The following ABCC6 variants were observed in gnomAD, a reference collection of about 807,000 sequenced individuals.
ABCC6 encodes ATP-binding cassette sub-family C member 6.
A neutral mutation model predicts 169.5 loss-of-function variants in ABCC6; 126 were observed. That is an observed-to-expected ratio of 0.74 (90% CI 0.64 to 0.86). The LOEUF (loss-of-function observed/expected upper bound fraction) is 0.86. ABCC6 is among the 40% of genes least tolerant of loss of function. ABCC6 has a pLI of 0.00. For synonymous variants in ABCC6, 752 were observed against 814.7 expected (o/e 0.92, Z 1.31); for missense variants, 1,733 against 1,927.2 (o/e 0.90, Z 1.89).
chr16:16,156,057 A>C (rs2046543596), intron 27 of ABCC6, among the ~76,000 whole-genome samples: 1 of 152,176 alleles, frequency 6.6e-6, no homozygotes, highest in Admixed American at 6.5e-5. Flanking sequence ...CTGGGACTGC[A>C]GGTGCCTGTC....
intron 6 of ABCC6, among the ~76,000 whole-genome samples, chr16:16,210,674 A>C (rs1160449881): frequency 2.0e-5 from 3 of 152,258 alleles, no homozygotes; most frequent in African/African-American, 7.2e-5. Flanking sequence ...AAAAGCATCA[A>C]GAGTGGTCCA....
chr16:16,213,141 A>G (rs573721602), intron 5 of ABCC6, among the ~76,000 whole-genome samples: 137 of 151,090 alleles, frequency 9.1e-4, no homozygotes, highest in African/African-American at 3.2e-3. Context: ...CTGGAGTGCA[A>G]TGGTGCAATC....
rs770649132 is a variant in ABCC6 at position 16,190,117 on chromosome 16, C to CA, written c.1635+46dup. ...CTACCTCACCCTGCCCCCACCCCCG[C>CA]ACTCCTTCCCCAGTGCTGCTCAGCA... On this transcript the variant is annotated intron_variant, in intron 12 of 30. Coordinates refer to ENST00000205557, the MANE Select transcript of ABCC6 (RefSeq NM_001171.6). 3.7e-6 allele frequency: 6 copies of CA among 1,606,948 alleles called. No individual in the cohort carries two copies. The South Asian group carries it at 5.5e-5, about 15-fold the overall frequency.
At chr16:16,209,418 G>C (rs1292790888) in intron 6 of ABCC6, among the ~76,000 whole-genome samples, 2 of 152,022 alleles carry the variant, frequency 1.3e-5, no homozygotes, top group Non-Finnish European at 2.9e-5. Flanking sequence ...ATAAATGTAT[G>C]AGTATATTAT....
chr16:16,213,171 A>C (rs943422720), intron 5 of ABCC6, among the ~76,000 whole-genome samples: 3 of 146,818 alleles, frequency 2.0e-5, no homozygotes, highest in African/African-American at 5.1e-5. Context: ...TGCAGCCTTT[A>C]TCTCTTGGAT....
chr16:16,190,104 GC>G, intron 12 of ABCC6, 59 bp downstream of exon 12: 1 of 1,586,528 alleles, frequency 6.3e-7, no homozygotes. Context: ...ACCTCACCCT[GC>G]CCCCACCCCC....
intron 30 of ABCC6, 121 bp from the exon 31 acceptor site, chr16:16,150,362 T>G (rs1266784436): frequency 1.9e-6 from 3 of 1,544,326 alleles, no homozygotes; most frequent in Non-Finnish European, 2.6e-6. Context: ...TCCATGCGGC[T>G]CCCTGGCCCT....
In ABCC6 at chr16:16,161,503, C is replaced by T. The variant is rs779472538; in HGVS notation, c.3568G>A (p.Ala1190Thr). The change falls in exon 25 of 31, where the codon GCT becomes ACT. Residue 1190 changes from alanine (A) to threonine (T), a missense_variant. By Grantham distance (58) the Ala-to-Thr change is moderately conservative. Transcript: ENST00000205557. ...CTGAGGTGGGCTTTGCTCAGCACAG[C>T]ACACGTGGCAGCTGCAAACACCAGG... ...NGLVFAAATC[A>T]VLSKAHLSAG... 5.0e-6 allele frequency: 8 copies of T among 1,613,984 alleles called. No homozygotes were observed. In the East Asian group the frequency reaches 1.8e-4, roughly 36 times the overall value.
At chr16:16,186,410 G>A (rs1234202433) in intron 14 of ABCC6, among the ~76,000 whole-genome samples, 1 of 151,934 alleles carries the variant, frequency 6.6e-6, no homozygotes, top group African/African-American at 2.4e-5. Flanking sequence ...TTAGGAACTG[G>A]GCCATACAGC....
At position 16,221,747 on chromosome 16, in the gene ABCC6, G is replaced by A; in HGVS notation, c.121C>T (p.Pro41Ser). 1.9e-6 allele frequency: 3 copies of A among 1,613,654 alleles called. No homozygotes were observed. Among genetic ancestry groups the A allele is most frequent in the Non-Finnish European group, 2.5e-6 (3 of 1,179,726 alleles). Residue 41 changes from proline (P) to serine (S), a missense_variant, in exon 2 of 31, where the codon CCC becomes TCC. Physicochemically the swap from Pro to Ser is moderately conservative, Grantham distance 74. Coordinates refer to ENST00000205557, the MANE Select transcript of ABCC6 (RefSeq NM_001171.6). ...FLRTAGVWVP[P>S]MYLWVLGPIY... ...GGACCAAGGACCCAGAGGTACATGG[G>A]GGGTACCCAGACCCCTGCTGTTCTC...
At chr16:16,169,565 G>C (rs943167579) in intron 22 of ABCC6, 81 bp downstream of exon 22, 6 of 1,511,072 alleles carry the variant, frequency 4.0e-6, no homozygotes, top group Non-Finnish European at 5.4e-6. Flanking sequence ...GGGTGACCCA[G>C]GGAGGGGTGG....
chr16:16,187,047 G>T (rs1362820623), intron 14 of ABCC6, 77 bp downstream of exon 14: 2 of 1,300,838 alleles, frequency 1.5e-6, no homozygotes, highest in South Asian at 1.2e-5. Context: ...TACTGATGCT[G>T]GCTTGCCATT....
intron 20 of ABCC6, among the ~76,000 whole-genome samples, chr16:16,174,062 A>T (rs2047193804): frequency 6.6e-6 from 1 of 152,168 alleles, no homozygotes; most frequent in Admixed American, 6.5e-5. Context: ...CCATTTATCC[A>T]TTCATCTACA....
rs1256169470 is a variant in ABCC6, at chr16:16,221,672, A to C, written c.196T>G (p.Ser66Ala). ...HHHGRGYLRM[S>A]PLFKAKMVLG... ...ACCATCTTGGCTTTGAAGAGTGGGG[A>C]CATCCGGAGGTAGCCCCGGCCATGG... The change falls in exon 2 of 31, where the codon TCC becomes GCC. Residue 66 changes from serine to alanine, a missense_variant. Coordinates refer to ENST00000205557, the MANE Select transcript of ABCC6 (RefSeq NM_001171.6). 1.9e-6 allele frequency: 3 copies of C among 1,613,948 alleles called. No individual in the cohort carries two copies. The highest frequency in any genetic ancestry group is 2.5e-6 in the Non-Finnish European group (3 of 1,179,860).
In ABCC6 at chr16:16,163,181, C is replaced by T; in HGVS notation, c.3318G>A (p.Val1106=). ...AGCGTCTCAGCTGGCATGAGCTAACCACATACAGGCTCTGAGAAGGATGGA... is the reference window on the plus strand; with the variant it reads ...AGCGTCTCAGCTGGCATGAGCTAACTACATACAGGCTCTGAGAAGGATGGA... ...LLYAGFQSLY[V]VSSCQLRRLE... Residue 1106 remains valine, a synonymous_variant, in exon 24 of 31, where the codon GTG becomes GTA. Transcript: ENST00000205557. 1 of 1,613,374 alleles carries T rather than the reference C, an allele frequency of 6.2e-7. No individual in the cohort carries two copies.
chr16:16,159,435 C>G lies in ABCC6; in HGVS notation c.3735+47G>C, dbSNP rs59049137. ...TCAACAGGGACCCATTGCCCCCCCC[C>G]ACAATATGTCCTTGCTGGGACCCCC... On this transcript the variant is annotated intron_variant, in intron 26 of 30. Transcript: ENST00000205557. 6.4e-3 allele frequency: 9,296 copies of G among 1,451,976 alleles called. 317 individuals carry two copies. In the African/African-American group the frequency reaches 0.089, roughly 14 times the overall value. 89.9% of individuals were successfully genotyped at this position (1,451,976 alleles called of 1,614,324 possible).
At chr16:16,150,343 G>C in intron 30 of ABCC6, 102 bp from the exon 31 acceptor site, 3 of 1,572,862 alleles carry the variant, frequency 1.9e-6, no homozygotes, top group Non-Finnish European at 2.6e-6. Context: ...CTCCATAGAA[G>C]TCCTGCTTTC....
At chr16:16,159,615 G>A (rs1046269881) in intron 25 of ABCC6, 32 bp from the exon 26 acceptor site, 10 of 1,607,272 alleles carry the variant, frequency 6.2e-6, no homozygotes, top group Non-Finnish European at 8.5e-6. Context: ...GGCTGGGTTT[G>A]GCAAGGCCAC....
chr16:16,214,645 C>A (rs1285433977), intron 4 of ABCC6, among the ~76,000 whole-genome samples, 196 bp from the exon 5 acceptor site: 1 of 152,094 alleles, frequency 6.6e-6, no homozygotes, highest in Non-Finnish European at 1.5e-5. Context: ...CACTTGGTCG[C>A]CCAGGCTGAA....
Sources: allele counts gnomAD v4.1 joint callset (sites outside exome capture counted in the v4.1 genomes callset), GRCh38; gene constraint gnomAD v4.1.1; transcripts MANE v1.5; gene names NCBI Gene and HGNC (gene_info 2026-07-23, HGNC 2026-07-21).